PM20D2: variants seen among roughly 807,000 people sequenced by gnomAD.
The protein encoded by PM20D2 is xaa-Arg dipeptidase.
Under a neutral mutation model 42.9 loss-of-function variants are expected in PM20D2, and 33 were observed. The observed-to-expected ratio is 0.77, with a 90% CI of 0.58 to 1.03. The LOEUF (loss-of-function observed/expected upper bound fraction) is 1.03. Among genes scored for constraint, PM20D2 ranks in the 50% least tolerant of loss-of-function variants. The pLI, the probability that PM20D2 is intolerant of heterozygous loss-of-function variation, is 0.00. For synonymous variants in PM20D2, 250 were observed against 228.2 expected, an observed-to-expected ratio of 1.10 and a Z score of -0.86; for missense variants, 548 against 557.0, an observed-to-expected ratio of 0.98 and a Z score of 0.16.
At chr6:89,140,383 C>T in the PM20D2 span, among the ~76,000 whole-genome samples, 3 of 152,178 alleles carry the variant, frequency 2.0e-5, no homozygotes, top group Admixed American at 6.5e-5. Flanking sequence ...CTGCTAGCAT[C>T]TTTGAAATAT....
chr6:89,148,620 C>G (rs957852950), intron 1 of PM20D2: 4 of 905,488 alleles, frequency 4.4e-6, no homozygotes, highest in Non-Finnish European at 5.3e-6. Context: ...GGCATTAAGA[C>G]TTGTTTAATG....
In PM20D2 at chr6:89,159,694, G is replaced by A. The variant is rs191306544; in HGVS notation, c.1048+1234G>A. Among the ~76,000 whole-genome samples, 13 of 152,332 alleles carry A rather than the reference G, an allele frequency of 8.5e-5. No individual in the cohort carries two copies. In the East Asian group the frequency reaches 2.5e-3, roughly 29 times the overall value. On this transcript the variant is annotated intron_variant, in intron 5 of 6. Transcript: ENST00000275072. ...AGAAGTAGATGTAATGTTTAGGAAGGAGGTCAGGGAGTTCAGAGACTTTCC... is the reference window on the plus strand; with the variant it reads ...AGAAGTAGATGTAATGTTTAGGAAGAAGGTCAGGGAGTTCAGAGACTTTCC...
At chr6:89,125,644 G>A in the PM20D2 span, among the ~76,000 whole-genome samples, 5 of 151,858 alleles carry the variant, frequency 3.3e-5, no homozygotes, top group African/African-American at 4.8e-5. Context: ...TTAGCCGGGC[G>A]TGGTGGCGGG....
the PM20D2 span, among the ~76,000 whole-genome samples, chr6:89,119,797 T>TTC: frequency 6.6e-6 from 1 of 152,190 alleles, no homozygotes; most frequent in African/African-American, 2.4e-5. Flanking sequence ...CCTCCTGTCT[T>TTC]TCTCTCTCTC....
At chr6:89,150,137 G>A (rs958527230) in intron 2 of PM20D2, among the ~76,000 whole-genome samples, 4 of 152,216 alleles carry the variant, frequency 2.6e-5, no homozygotes, top group Non-Finnish European at 5.9e-5. Flanking sequence ...CTGAGGGAAT[G>A]ATAGCAGAAC....
At chr6:89,126,266 G>A in the PM20D2 span, among the ~76,000 whole-genome samples, 1 of 151,996 alleles carries the variant, frequency 6.6e-6, no homozygotes, top group Non-Finnish European at 1.5e-5. Flanking sequence ...GTGGTGACAC[G>A]CATCTGTAGT....
At chr6:89,096,964 G>A in the PM20D2 span, 3 of 152,170 alleles carry the variant, frequency 2.0e-5, no homozygotes, top group Admixed American at 2.0e-4. Flanking sequence ...ATAATTCAAA[G>A]AGTTGTAGTT....
chr6:89,114,720 G>T, the PM20D2 span, among the ~76,000 whole-genome samples: 6 of 152,220 alleles, frequency 3.9e-5, no homozygotes, highest in African/African-American at 1.4e-4. Context: ...ACCTGCAGAT[G>T]TGTTTTATTT....
At chr6:89,137,682 TTTA>T in the PM20D2 span, among the ~76,000 whole-genome samples, 1 of 152,242 alleles carries the variant, frequency 6.6e-6, no homozygotes, top group East Asian at 1.9e-4. Flanking sequence ...AATTTTTTAT[TTTA>T]TTATTTTATT....
chr6:89,138,975 A>G, the PM20D2 span, among the ~76,000 whole-genome samples: 3 of 152,252 alleles, frequency 2.0e-5, no homozygotes, highest in Non-Finnish European at 4.4e-5. Context: ...AGGTAGTTTT[A>G]GTGAAGTCAG....
At chr6:89,146,787 C>G (rs1371098537) in intron 1 of PM20D2, among the ~76,000 whole-genome samples, 178 bp downstream of exon 1, 1 of 152,222 alleles carries the variant, frequency 6.6e-6, no homozygotes, top group Admixed American at 6.5e-5. Context: ...GCTGAACCCC[C>G]AGTCAAAGTC....
chr6:89,105,239 T>C, the PM20D2 span: 5 of 1,610,934 alleles, frequency 3.1e-6, 1 homozygote, highest in South Asian at 5.5e-5. Flanking sequence ...ATGACGTTCT[T>C]TTGATTTCAT....
intron 1 of PM20D2, 69 bp from the exon 2 acceptor site, chr6:89,149,196 G>A (rs1466674499): frequency 3.0e-5 from 47 of 1,541,580 alleles, no homozygotes; most frequent in Non-Finnish European, 4.1e-5. Flanking sequence ...TACATATGCA[G>A]GTGAACCTGT....
chr6:89,140,095 C>T, the PM20D2 span, among the ~76,000 whole-genome samples: 1 of 151,862 alleles, frequency 6.6e-6, no homozygotes, highest in African/African-American at 2.4e-5. Context: ...ACCACCACAC[C>T]CAGCTGATTT....
the PM20D2 span, among the ~76,000 whole-genome samples, chr6:89,094,385 A>G: frequency 6.6e-6 from 1 of 151,560 alleles, no homozygotes; most frequent in African/African-American, 2.4e-5. Flanking sequence ...ACAGCTGGCT[A>G]ATTTTTGTAT....
Position 89,158,441 on chromosome 6 carries a change from A to G in PM20D2, c.1029A>G (p.Thr343=). ...KLGIEFISED[T]MLNGPSGSTD... is the part of the protein sequence containing the mutation. ...GAATAGAGTTCATTTCAGAAGATAC[A>G]ATGTTGAATGGCCCTTCAGGTAATT... is the stretch of plus-strand genomic sequence containing the variant. Residue 343 remains threonine (T), a synonymous_variant, in exon 5 of 7, where the codon ACA becomes ACG. Transcript: ENST00000275072. The G allele has an allele frequency of 2.5e-6, 4 of 1,607,598 alleles. No homozygotes were observed. The highest frequency in any genetic ancestry group is 3.4e-6 in the Non-Finnish European group (4 of 1,178,728).
At chr6:89,132,365 C>T in the PM20D2 span, among the ~76,000 whole-genome samples, 1 of 145,042 alleles carries the variant, frequency 6.9e-6, no homozygotes, top group African/African-American at 2.9e-5. Context: ...TCATTTTTGC[C>T]CTGGATCCAA....
chr6:89,141,140 C>T (rs1343755308), upstream of PM20D2, among the ~76,000 whole-genome samples: 1 of 152,144 alleles, frequency 6.6e-6, no homozygotes, highest in Non-Finnish European at 1.5e-5. Context: ...GTCTAATGCA[C>T]ATCCATCAAT....
At chr6:89,147,976 ACT>A (rs1386459490) in intron 1 of PM20D2, among the ~76,000 whole-genome samples, 3 of 109,104 alleles carry the variant, frequency 2.7e-5, no homozygotes, top group South Asian at 3.2e-4. Flanking sequence ...AGAAATGTAC[ACT>A]CTTTTTTTTT....
Sources: gnomAD v4.1 joint callset for allele counts (sites outside exome capture counted in the v4.1 genomes callset) on GRCh38, gnomAD v4.1.1 for gene constraint, MANE v1.5 for transcripts, NCBI Gene and HGNC (gene_info 2026-07-23, HGNC 2026-07-21) for gene names.